AMOTL2: variants seen among roughly 807,000 people sequenced by gnomAD.
AMOTL2 encodes the protein angiomotin like 2.
AMOTL2 carries 33 observed loss-of-function variants against 78.4 expected under a neutral mutation model. That is an observed-to-expected ratio of 0.42 (90% CI 0.32 to 0.56). The LOEUF is 0.56. AMOTL2 is among the 20% of genes least tolerant of loss of function. The probability of loss-of-function intolerance (pLI) is 0.12; values close to 1 mark genes in which losing one functional copy is unlikely to be tolerated. For missense variants in AMOTL2, 983 were observed against 1,030.1 expected (o/e 0.95, Z 0.63); for synonymous variants, 422 against 428.8 (o/e 0.98, Z 0.20).
chr3:134,373,402 C>T, intron 1 of AMOTL2: 1 of 930,780 alleles, frequency 1.1e-6, no homozygotes, highest in Non-Finnish European at 1.3e-6. Context: ...AGGAACATCT[C>T]CAAGGCCTCT....
rs375928469 is a variant in AMOTL2, at chr3:134,358,678, G to A, written c.2146C>T (p.Pro716Ser). ...PTEEPVVTAPPAAHAKHGSRD... is the reference protein window; with the variant it reads ...PTEEPVVTAPSAAHAKHGSRD... ...CTCCCGTGTTTGGCATGGGCAGCAG[G>A]GGGAGCTGTGACCACTGGCTCCTCT... is the stretch of plus-strand genomic sequence containing the variant. The change falls in exon 9 of 10, where the codon CCT (proline) becomes TCT (serine). Residue 716 changes from proline to serine, a missense_variant. Coordinates refer to ENST00000249883, the MANE Select transcript of AMOTL2 (RefSeq NM_016201.4). The A allele has an allele frequency of 5.6e-6, 9 of 1,613,998 alleles. No individual in the cohort carries two copies. Among genetic ancestry groups the A allele is most frequent in the Non-Finnish European group, 6.8e-6 (8 of 1,180,040 alleles).
intron 2 of AMOTL2, among the ~76,000 whole-genome samples, chr3:134,368,020 G>C (rs2017688037): frequency 6.6e-6 from 1 of 152,148 alleles, no homozygotes; most frequent in Non-Finnish European, 1.5e-5. Flanking sequence ...TCTGCCTGAG[G>C]CTCTCAAGAG....
At position 134,370,684 on chromosome 3, in the gene AMOTL2, A is replaced by G. The variant is rs767968772; in HGVS notation, c.734+16T>C. The stretch of plus-strand genomic sequence containing the variant: ...AGAAAGCCAGGAGTTGGAAAGCCCA[A>G]GGTGGGGAGAGTTACCTGACTTCAG... On this transcript the variant is annotated intron_variant, in intron 2 of 9. Coordinates refer to ENST00000249883, the MANE Select transcript of AMOTL2 (RefSeq NM_016201.4). 2.0e-6 allele frequency: 3 copies of G among 1,505,988 alleles called. No homozygotes were observed. Among genetic ancestry groups the G allele is most frequent in the African/African-American group, 1.4e-5 (1 of 71,618 alleles). The allele number at this position is 1,505,988 out of a possible 1,614,324, so 93.3% of individuals were successfully genotyped here.
chr3:134,361,202 C>T (rs977650961), intron 6 of AMOTL2, among the ~76,000 whole-genome samples: 2 of 152,074 alleles, frequency 1.3e-5, no homozygotes, highest in African/African-American at 4.8e-5. Flanking sequence ...CCTTCTATAT[C>T]CAGGTTCCTG....
intron 7 of AMOTL2, 69 bp downstream of exon 7, chr3:134,360,037 G>C: frequency 1.3e-6 from 2 of 1,495,136 alleles, no homozygotes; most frequent in Non-Finnish European, 1.8e-6. Flanking sequence ...CAGGGATCAA[G>C]GGCAGGGCAG....
intron 1 of AMOTL2, 105 bp from the exon 2 acceptor site, chr3:134,371,599 A>G (rs1403044021): frequency 1.4e-6 from 2 of 1,444,272 alleles, no homozygotes; most frequent in Non-Finnish European, 1.8e-6. Context: ...GGAAAGCATA[A>G]AAGTGAAGAG....
Position 134,356,095 on chromosome 3 carries a change from TG to T in AMOTL2, c.*1609del, listed in dbSNP as rs934036302. The T allele has an allele frequency of 2.0e-5, 3 of 152,650 alleles. No homozygotes were observed. Among genetic ancestry groups the T allele is most frequent in the Admixed American group, 1.3e-4 (2 of 15,290 alleles). 9.5% of individuals were successfully genotyped at this position (152,650 alleles called of 1,614,324 possible). ...AATATTAATCCAAAATATATTAAGT[TG>T]TTTTTTTTCTTTCACAATATTTTTT... On this transcript the variant is annotated 3_prime_UTR_variant, in exon 10 of 10. Coordinates refer to ENST00000249883, the MANE Select transcript of AMOTL2 (RefSeq NM_016201.4).
intron 5 of AMOTL2, among the ~76,000 whole-genome samples, chr3:134,362,932 A>G (rs1331055843): frequency 6.6e-6 from 1 of 152,246 alleles, no homozygotes; most frequent in Non-Finnish European, 1.5e-5. Flanking sequence ...ATTCTGATTC[A>G]GTGGAATTTT....
chr3:134,373,773 G>A (rs2017975260), intron 1 of AMOTL2: 2 of 985,364 alleles, frequency 2.0e-6, no homozygotes, highest in South Asian at 4.7e-5. Flanking sequence ...TCGCGGGTCC[G>A]CCTCCCTCCC....
chr3:134,371,762 G>A (rs886874250), intron 1 of AMOTL2: 2 of 448,928 alleles, frequency 4.5e-6, no homozygotes, highest in East Asian at 6.9e-5. Context: ...AAAAAAAAGA[G>A]GCAGTGGCCT....
chr3:134,371,542 C>A, intron 1 of AMOTL2, 48 bp from the exon 2 acceptor site: 1 of 1,541,230 alleles, frequency 6.5e-7, no homozygotes, highest in Non-Finnish European at 8.7e-7. Flanking sequence ...CAGTGGGAAC[C>A]CATGGGAAAG....
In AMOTL2 at chr3:134,361,675, C is replaced by A. The variant is rs759434423; in HGVS notation, c.1412G>T (p.Arg471Leu). 3 of 1,611,602 alleles carry A rather than the reference C, an allele frequency of 1.9e-6. No individual in the cohort carries two copies. The highest frequency in any genetic ancestry group is 1.3e-5 in the African/African-American group (1 of 75,062). Residue 471 changes from arginine to leucine, a missense_variant, in exon 6 of 10, where the codon CGA becomes CTA. Arg to Leu is a moderately radical substitution (Grantham distance 102, BLOSUM62 -2). Transcript: ENST00000249883. ...CTTCTTGCGCAGCTCCTCTTCGGCTCGAGCTGCCCGGCCCTGCGCATTGCC... is the reference window on the plus strand; with the variant it reads ...CTTCTTGCGCAGCTCCTCTTCGGCTAGAGCTGCCCGGCCCTGCGCATTGCC... ...ALGNAQGRAA[R>L]AEEELRKKQA...
chr3:134,365,685 T>C (rs908186933), intron 5 of AMOTL2, 132 bp downstream of exon 5: 15 of 743,936 alleles, frequency 2.0e-5, no homozygotes, highest in Admixed American at 4.8e-5. Context: ...GTGTTGGGCA[T>C]ACAGTGGGCA....
chr3:134,372,529 C>CG (rs2017908354), intron 1 of AMOTL2, among the ~76,000 whole-genome samples: 1 of 45,090 alleles, frequency 2.2e-5, no homozygotes, highest in Non-Finnish European at 4.1e-5. Context: ...TTATCCTCCC[C>CG]AACACACACA....
Position 134,361,753 on chromosome 3 carries a change from C to T in AMOTL2, c.1334G>A (p.Arg445His), listed in dbSNP as rs535598549. 5 of 1,588,384 alleles carry T rather than the reference C, an allele frequency of 3.1e-6. No individual in the cohort carries two copies. The highest frequency in any genetic ancestry group is 3.3e-4 in the Middle Eastern group (2 of 6,028). ...CCGCCGCTGGTCCTCGATGGCGCCG[C>T]GCAGCAGTGCCATCTCTCGCTCCAG... ...EKLEREMALL[R>H]GAIEDQRRRA... Residue 445 changes from arginine to histidine, a missense_variant, in exon 6 of 10, where the codon CGC (arginine) becomes CAC (histidine). By Grantham distance (29) the Arg-to-His change is conservative. Coordinates refer to ENST00000249883, the MANE Select transcript of AMOTL2 (RefSeq NM_016201.4).
In AMOTL2 at chr3:134,355,526, G is replaced by C. The variant is rs1309220720; in HGVS notation, c.*2179C>G. Among the ~76,000 whole-genome samples, 1 of 152,160 alleles carries C rather than the reference G, an allele frequency of 6.6e-6. No individual in the cohort carries two copies. Among genetic ancestry groups the C allele is most frequent in the Non-Finnish European group, 1.5e-5 (1 of 68,038 alleles). On this transcript the variant is annotated 3_prime_UTR_variant, in exon 10 of 10. Transcript: ENST00000249883. Reference sequence around the variant, plus strand: ...CGGACAAAACTTTATGTGCTAGGTGGGAGTGGGAAAAGGAGTGGGGGAAGG... The same window carrying C: ...CGGACAAAACTTTATGTGCTAGGTGCGAGTGGGAAAAGGAGTGGGGGAAGG...
At position 134,374,351 on chromosome 3, in the gene AMOTL2, C is replaced by G; in HGVS notation, c.-71G>C. 1 of 980,974 alleles carries G rather than the reference C, an allele frequency of 1.0e-6. No individual in the cohort carries two copies. Among genetic ancestry groups the G allele is most frequent in the Non-Finnish European group, 1.2e-6 (1 of 829,066 alleles). 60.8% of individuals were successfully genotyped at this position (980,974 alleles called of 1,614,324 possible). ...GAGCGGCCTTCCTTACCGCTGCGGC[C>G]CGAGGGTGCCCAGCGCAGTCAGACA... On this transcript the variant is annotated 5_prime_UTR_variant, in exon 1 of 10. Transcript: ENST00000249883.
upstream of AMOTL2, chr3:134,374,908 T>C: frequency 1.6e-6 from 2 of 1,244,990 alleles, no homozygotes; most frequent in Non-Finnish European, 2.0e-6. Context: ...CGGCTGTGTG[T>C]GTGTGTGTGT....
At chr3:134,374,658 C>G (rs2018022863), upstream of AMOTL2, 3 of 984,040 alleles carry the variant, frequency 3.0e-6, no homozygotes, top group Non-Finnish European at 2.4e-6. Flanking sequence ...GCTGGCCGAG[C>G]GCCGGCCCGG....
Sources: allele counts gnomAD v4.1 joint callset (sites outside exome capture counted in the v4.1 genomes callset), GRCh38; gene constraint gnomAD v4.1.1; transcripts MANE v1.5; gene names NCBI Gene and HGNC (gene_info 2026-07-23, HGNC 2026-07-21).